BLOC1S2: variants seen among roughly 807,000 people sequenced by gnomAD.
The protein encoded by BLOC1S2 is biogenesis of lysosome-related organelles complex 1 subunit 2.
Under a neutral mutation model 19.6 loss-of-function variants are expected in BLOC1S2, and 12 were observed. The observed-to-expected ratio is 0.61, with a 90% CI of 0.39 to 0.99. The LOEUF (loss-of-function observed/expected upper bound fraction) is 0.99. Ranked by LOEUF, BLOC1S2 falls within the 50% of genes least tolerant of loss-of-function variation. BLOC1S2 has a pLI of 0.00. For missense variants in BLOC1S2, 142 were observed against 171.0 expected (o/e 0.83, Z 0.95); for synonymous variants, 66 against 64.1 (o/e 1.03, Z -0.14).
chr10:100,276,370 C>T (rs1437387112), intron 4 of BLOC1S2, among the ~76,000 whole-genome samples: 1 of 59,622 alleles, frequency 1.7e-5, no homozygotes, highest in Non-Finnish European at 3.5e-5. Flanking sequence ...CCGTCTCCCT[C>T]TCCCGTCTCC....
At chr10:100,278,998 G>A (rs1848026428) in intron 4 of BLOC1S2, among the ~76,000 whole-genome samples, 1 of 151,656 alleles carries the variant, frequency 6.6e-6, no homozygotes, top group African/African-American at 2.4e-5. Context: ...GAGGAAGGAG[G>A]ATCACTAGAG....
chr10:100,281,614 C>T (rs1044572884), intron 2 of BLOC1S2, among the ~76,000 whole-genome samples: 7 of 150,466 alleles, frequency 4.7e-5, no homozygotes, highest in African/African-American at 4.9e-5. Flanking sequence ...ATCCAGGAGG[C>T]GGAGGTTGCA....
intron 2 of BLOC1S2, among the ~76,000 whole-genome samples, chr10:100,284,143 A>G (rs1352154677): frequency 1.3e-5 from 2 of 152,252 alleles, no homozygotes; most frequent in Admixed American, 6.5e-5. Flanking sequence ...ACAGTGATCA[A>G]TGGCACTTGA....
Position 100,286,123 on chromosome 10 carries a change from G to A in BLOC1S2, c.146C>T (p.Ala49Val), listed in dbSNP as rs935707187. Residue 49 changes from alanine (A) to valine (V), a missense_variant, in exon 2 of 5, where the codon GCC becomes GTC. Coordinates refer to ENST00000370372, the MANE Select transcript of BLOC1S2 (RefSeq NM_173809.5). ...ELCRDMFSKM[A>V]TYLTGELTAT... is the part of the protein sequence containing the mutation. Reference sequence around the variant, plus strand: ...CGTCAGTTCCCCAGTCAGGTAAGTGGCCATTTTGGAGAACATGTCCCGGCA... The same window carrying A: ...CGTCAGTTCCCCAGTCAGGTAAGTGACCATTTTGGAGAACATGTCCCGGCA... The A allele has an allele frequency of 6.2e-7, 1 of 1,613,918 alleles. No homozygotes were observed. The highest frequency in any genetic ancestry group is 1.3e-5 in the African/African-American group (1 of 74,880).
chr10:100,281,703 T>TATACAC (rs1197519931), intron 2 of BLOC1S2, among the ~76,000 whole-genome samples: 102 of 88,688 alleles, frequency 1.2e-3, no homozygotes, highest in Admixed American at 5.2e-3. Flanking sequence ...AATATATATA[T>TATACAC]ATACACATAC....
chr10:100,279,876 G>A (rs906334430), intron 4 of BLOC1S2, among the ~76,000 whole-genome samples: 12 of 151,978 alleles, frequency 7.9e-5, no homozygotes, highest in African/African-American at 2.9e-4. Context: ...AGTGAAACTT[G>A]TCTCAAAAAA....
chr10:100,277,919 C>T (rs1325033742), intron 4 of BLOC1S2, among the ~76,000 whole-genome samples: 3 of 102,528 alleles, frequency 2.9e-5, no homozygotes, highest in African/African-American at 4.2e-5. Flanking sequence ...CCGCCCCGTC[C>T]GGGAGGTGAG....
In BLOC1S2 at chr10:100,274,753, CACATAA is replaced by C. The variant is rs1306293130; in HGVS notation, c.*703_*708del. ...TGGCAATCGTCACCTCCCTACCCAA[CACATAA>C]ACACACATACCCATCTAGTCTTTGT... On this transcript the variant is annotated 3_prime_UTR_variant, in exon 5 of 5. Coordinates refer to ENST00000370372, the MANE Select transcript of BLOC1S2 (RefSeq NM_173809.5). The C allele has an allele frequency of 5.1e-6, 2 of 390,908 alleles. No individual in the cohort carries two copies. Among genetic ancestry groups the C allele is most frequent in the African/African-American group, 4.1e-5 (2 of 48,518 alleles). The allele number at this position is 390,908 out of a possible 1,614,324, so 24.2% of individuals were successfully genotyped here.
intron 2 of BLOC1S2, among the ~76,000 whole-genome samples, chr10:100,285,722 G>A (rs1393006263): frequency 6.6e-6 from 1 of 152,040 alleles, no homozygotes; most frequent in African/African-American, 2.4e-5. Context: ...TCTTTATCCC[G>A]GTAAACACAT....
rs12772618 is a variant in BLOC1S2 at position 100,281,711 on chromosome 10, T to C, written c.173-658A>G. On this transcript the variant is annotated intron_variant, in intron 2 of 4. Transcript: ENST00000370372. ...AAAAAAAAATATATATATATACACA[T>C]ACACACACACACACACACACACACA... 8.0e-4 allele frequency among the ~76,000 whole-genome samples: 106 copies of C among 132,572 alleles called. 1 individual carries two copies. The highest frequency in any genetic ancestry group is 1.2e-3 in the South Asian group (5 of 4,020). The allele number at this position is 132,572 out of a possible 152,430, so 87.0% of individuals were successfully genotyped here.
chr10:100,275,436 G>A lies in BLOC1S2; in HGVS notation c.*26C>T, dbSNP rs200508104. Reference sequence around the variant, plus strand: ...ACATTCTTCCACATTAAAAAAAAAAGACTCTGTCCCATAGAAATAAGTTTC... The same window carrying A: ...ACATTCTTCCACATTAAAAAAAAAAAACTCTGTCCCATAGAAATAAGTTTC... On this transcript the variant is annotated 3_prime_UTR_variant, in exon 5 of 5. Transcript: ENST00000370372. 6.4e-7 allele frequency: 1 copy of A among 1,566,656 alleles called. No homozygotes were observed. Among genetic ancestry groups the A allele is most frequent in the Non-Finnish European group, 8.7e-7 (1 of 1,154,694 alleles).
chr10:100,277,712 C>CAA (rs1847952407), intron 4 of BLOC1S2, among the ~76,000 whole-genome samples: 1 of 86,560 alleles, frequency 1.2e-5, no homozygotes, highest in Admixed American at 1.1e-4. Context: ...AGGTGGGGGG[C>CAA]TCAGCCCCCC....
At chr10:100,278,878 G>A (rs906662178) in intron 4 of BLOC1S2, among the ~76,000 whole-genome samples, 1 of 151,884 alleles carries the variant, frequency 6.6e-6, no homozygotes, top group Admixed American at 6.6e-5. Flanking sequence ...TTAAGGCCAT[G>A]AGTTCGAGAC....
At chr10:100,284,401 GCA>G (rs1848184307) in intron 2 of BLOC1S2, among the ~76,000 whole-genome samples, 1 of 152,170 alleles carries the variant, frequency 6.6e-6, no homozygotes, top group South Asian at 2.1e-4. Context: ...ACAGCTGGGT[GCA>G]GTGGCTCACA....
chr10:100,285,589 C>T (rs1032581873), intron 2 of BLOC1S2, among the ~76,000 whole-genome samples: 2 of 152,218 alleles, frequency 1.3e-5, no homozygotes, highest in Non-Finnish European at 2.9e-5. Flanking sequence ...ACACATAGGT[C>T]ATGTGTCCAC....
rs1847818595 is a variant in BLOC1S2, at chr10:100,275,077, A to G, written c.*385T>C. 1.0e-5 allele frequency: 4 copies of G among 400,512 alleles called. No individual in the cohort carries two copies. Among genetic ancestry groups the G allele is most frequent in the Non-Finnish European group, 1.8e-5 (4 of 227,138 alleles). The allele number at this position is 400,512 out of a possible 1,614,324, so 24.8% of individuals were successfully genotyped here. A position where few individuals can be genotyped will look rare whatever the true frequency, so the allele number is the denominator to read the frequency against. On this transcript the variant is annotated 3_prime_UTR_variant, in exon 5 of 5. Transcript: ENST00000370372. ...TAGCATCATTAACAGAAAAACGACC[A>G]TTTACATAGTAACTAAAAAACCAGC...
chr10:100,283,647 G>A (rs1007351642), intron 2 of BLOC1S2, among the ~76,000 whole-genome samples: 3 of 152,168 alleles, frequency 2.0e-5, no homozygotes, highest in African/African-American at 7.2e-5. Context: ...AAGGTGGGCA[G>A]ATCACTTGAG....
At chr10:100,282,756 G>A (rs1481585720) in intron 2 of BLOC1S2, 2 of 393,454 alleles carry the variant, frequency 5.1e-6, no homozygotes, top group African/African-American at 4.1e-5. Context: ...ATTTGTGCGA[G>A]TAAGAATAAC....
At position 100,273,834 on chromosome 10, in the gene BLOC1S2, T is replaced by TCA. The variant is rs1354549447; in HGVS notation, c.*1626_*1627dup. Reference sequence around the variant, plus strand: ...CCAGGCGACAGAGCAAGACTTCATCTCAAAAAAAAAAAAAAAATAGATCAA... The same window carrying TCA: ...CCAGGCGACAGAGCAAGACTTCATCTCACAAAAAAAAAAAAAAAATAGATCAA... On this transcript the variant is annotated 3_prime_UTR_variant, in exon 5 of 5. Transcript: ENST00000370372. 6 of 111,400 alleles carry TCA rather than the reference T, an allele frequency of 5.4e-5. No homozygotes were observed. Among genetic ancestry groups the TCA allele is most frequent in the African/African-American group, 2.3e-4 (6 of 26,230 alleles). 6.9% of individuals were successfully genotyped at this position (111,400 alleles called of 1,614,324 possible). A position where few individuals can be genotyped will look rare whatever the true frequency, so the allele number is the denominator to read the frequency against.
Sources: allele counts gnomAD v4.1 joint callset (sites outside exome capture counted in the v4.1 genomes callset), GRCh38; gene constraint gnomAD v4.1.1; transcripts MANE v1.5; gene names NCBI Gene and HGNC (gene_info 2026-07-23, HGNC 2026-07-21).